Variants in OCA2 observed in about 807,000 individuals in gnomAD.
The protein encoded by OCA2 is OCA2 melanosomal transmembrane protein.
In OCA2, 77 loss-of-function variants were observed where a neutral mutation model predicts 100.2. That is an observed-to-expected ratio of 0.77 (90% CI 0.64 to 0.93). The LOEUF is 0.93. Ranked by LOEUF, OCA2 falls within the 40% of genes least tolerant of loss-of-function variation. The pLI is 0.00. For missense variants in OCA2, 1,062 were observed against 1,089.1 expected (o/e 0.98, Z 0.35); for synonymous variants, 432 against 439.2 (o/e 0.98, Z 0.21).
chr15:27,764,436 G>T (rs2151004397), intron 23 of OCA2, among the ~76,000 whole-genome samples: 1 of 152,284 alleles, frequency 6.6e-6, no homozygotes, highest in African/African-American at 2.4e-5. Context: ...GGGCTTCCAT[G>T]AATGAAAATC....
At chr15:27,978,807 T>C (rs1212593953) in intron 14 of OCA2, among the ~76,000 whole-genome samples, 4 of 152,020 alleles carry the variant, frequency 2.6e-5, no homozygotes, top group South Asian at 4.2e-4. Flanking sequence ...TGCCTCAGTC[T>C]CCCAAGTAGC....
At chr15:27,949,747 C>G (rs2039970252) in intron 18 of OCA2, among the ~76,000 whole-genome samples, 1 of 152,214 alleles carries the variant, frequency 6.6e-6, no homozygotes, top group Admixed American at 6.5e-5. Flanking sequence ...CACATTGCTA[C>G]TGGCTGAAGA....
chr15:28,014,393 G>C (rs114404119), intron 9 of OCA2, among the ~76,000 whole-genome samples: 4 of 152,102 alleles, frequency 2.6e-5, no homozygotes, highest in Non-Finnish European at 5.9e-5. Flanking sequence ...ACAACCCCAC[G>C]GTGCAGGTGG....
chr15:28,094,138 C>A (rs2044923294), intron 1 of OCA2, among the ~76,000 whole-genome samples: 4 of 152,178 alleles, frequency 2.6e-5, no homozygotes, highest in Admixed American at 2.6e-4. Context: ...GGGACCCCAA[C>A]ACCCTAGCAC....
At chr15:27,761,272 AC>A (rs1315557192) in intron 23 of OCA2, among the ~76,000 whole-genome samples, 2 of 152,158 alleles carry the variant, frequency 1.3e-5, no homozygotes, top group Non-Finnish European at 2.9e-5. Context: ...CAACATTCAA[AC>A]CTTATTTTTT....
chr15:27,870,202 G>A (rs933340727), intron 21 of OCA2, among the ~76,000 whole-genome samples: 2 of 152,176 alleles, frequency 1.3e-5, no homozygotes, highest in Admixed American at 6.5e-5. Context: ...GGGATGTCTT[G>A]GGACCCCCTT....
intron 23 of OCA2, among the ~76,000 whole-genome samples, chr15:27,782,568 T>C (rs1212985450): frequency 4.6e-5 from 7 of 152,254 alleles, no homozygotes; most frequent in Non-Finnish European, 8.8e-5. Context: ...TTTTATCTAA[T>C]TGATAAAGAA....
rs191994587 is a variant in OCA2, at chr15:27,791,245, T to C, written c.2433-35773A>G. On this transcript the variant is annotated intron_variant, in intron 23 of 23. Coordinates refer to ENST00000354638, the MANE Select transcript of OCA2 (RefSeq NM_000275.3). ...GAGTATATGCCCAAAATACACATCA[T>C]GTATTTGCCCCAAATTGGAGGGAAA... Among the ~76,000 whole-genome samples, 7 of 152,342 alleles carry C rather than the reference T, an allele frequency of 4.6e-5. No individual in the cohort carries two copies. In the East Asian group the frequency reaches 9.6e-4, roughly 21 times the overall value.
rs761022095 is a variant in OCA2, at chr15:28,014,887, G to A, written c.933C>T (p.Thr311=). 2 of 1,614,126 alleles carry A rather than the reference G, an allele frequency of 1.2e-6. No homozygotes were observed. Among genetic ancestry groups the A allele is most frequent in the Non-Finnish European group, 1.7e-6 (2 of 1,180,026 alleles). Residue 311 remains threonine, a synonymous_variant, in exon 9 of 24, where the codon ACC becomes ACT. Coordinates refer to ENST00000354638, the MANE Select transcript of OCA2 (RefSeq NM_000275.3). ...GAGCCATCAAAAGAGGGACAGCCTG[G>A]GTCTGCTGCAGGGAGGCCCGGATGC... ...SISIRASLQQ[T]QAVPLLMAHQ...
chr15:27,947,640 T>G (rs1313670400), intron 18 of OCA2, among the ~76,000 whole-genome samples: 2 of 152,168 alleles, frequency 1.3e-5, no homozygotes, highest in Admixed American at 6.5e-5. Context: ...GCTGGACACA[T>G]GCACTCTGGC....
intron 23 of OCA2, among the ~76,000 whole-genome samples, chr15:27,770,214 G>A (rs2031610319): frequency 6.6e-6 from 1 of 152,240 alleles, no homozygotes; most frequent in Admixed American, 6.5e-5. Context: ...TTCCAGGCGG[G>A]CGGAGGGAAG....
At chr15:27,982,327 AACAAT>A (rs753175218) in intron 14 of OCA2, among the ~76,000 whole-genome samples, 4 of 152,234 alleles carry the variant, frequency 2.6e-5, no homozygotes, top group Non-Finnish European at 4.4e-5. Flanking sequence ...GAATGAAACT[AACAAT>A]ACAATTTTTT....
At chr15:27,927,708 C>T (rs2039092498) in intron 18 of OCA2, among the ~76,000 whole-genome samples, 1 of 151,468 alleles carries the variant, frequency 6.6e-6, no homozygotes, top group South Asian at 2.1e-4. Context: ...TGATTTTAGA[C>T]ATTCCAATGG....
chr15:28,078,629 T>G (rs2044512235), intron 2 of OCA2, among the ~76,000 whole-genome samples: 1 of 152,128 alleles, frequency 6.6e-6, no homozygotes, highest in Non-Finnish European at 1.5e-5. Context: ...GAAGCAGACC[T>G]TGCTCCAGCT....
intron 2 of OCA2, among the ~76,000 whole-genome samples, chr15:28,059,072 A>G (rs1008951522): frequency 6.6e-6 from 1 of 152,222 alleles, no homozygotes; most frequent in Non-Finnish European, 1.5e-5. Flanking sequence ...ATTAGATCAC[A>G]CCAAATGCAC....
At chr15:27,907,108 C>G (rs2038207253) in intron 19 of OCA2, among the ~76,000 whole-genome samples, 1 of 152,158 alleles carries the variant, frequency 6.6e-6, no homozygotes, top group Admixed American at 6.5e-5. Flanking sequence ...GATCAAATTT[C>G]AACATAAGGT....
At chr15:28,074,560 T>G (rs7182377) in intron 2 of OCA2, among the ~76,000 whole-genome samples, 37,899 of 151,380 alleles carry the variant, frequency 0.25, 9,374 homozygotes, top group African/African-American at 0.64. Flanking sequence ...TGCAGTCCCA[T>G]CTAATCGGGA....
At chr15:27,848,463 G>A (rs2035616487) in intron 22 of OCA2, among the ~76,000 whole-genome samples, 1 of 152,174 alleles carries the variant, frequency 6.6e-6, no homozygotes, top group Admixed American at 6.5e-5. Context: ...AAGGCCCCAG[G>A]TGTCACTTCC....
chr15:27,925,312 C>T (rs1216106245), intron 19 of OCA2, among the ~76,000 whole-genome samples: 4 of 152,096 alleles, frequency 2.6e-5, no homozygotes, highest in Non-Finnish European at 5.9e-5. Context: ...TTCTCCAAGA[C>T]AGATCAAATG....
Sources: gnomAD v4.1 joint callset for allele counts (sites outside exome capture counted in the v4.1 genomes callset) on GRCh38, gnomAD v4.1.1 for gene constraint, MANE v1.5 for transcripts, NCBI Gene and HGNC (gene_info 2026-07-23, HGNC 2026-07-21) for gene names.